FHIT: variants seen among roughly 807,000 people sequenced by gnomAD.
The protein encoded by FHIT is bis(5'-adenosyl)-triphosphatase.
A neutral mutation model predicts 17.9 loss-of-function variants in FHIT; 19 were observed. That is an observed-to-expected ratio of 1.06 (90% CI 0.74 to 1.56). The LOEUF (loss-of-function observed/expected upper bound fraction) is 1.56. Ranked by LOEUF, FHIT falls within the 40% of genes most tolerant of loss-of-function variation. The pLI, the probability that FHIT is intolerant of heterozygous loss-of-function variation, is 0.00. For synonymous variants in FHIT, 81 were observed against 69.7 expected, an observed-to-expected ratio of 1.16 and a Z score of -0.81; for missense variants, 248 against 189.2, an observed-to-expected ratio of 1.31 and a Z score of -1.82.
intron 5 of FHIT, among the ~76,000 whole-genome samples, chr3:60,074,653 G>C (rs1702926429): frequency 1.1e-5 from 1 of 88,630 alleles, no homozygotes; most frequent in African/African-American, 4.3e-5. Flanking sequence ...CCTGCTAACT[G>C]TTCCAAAGGG....
At chr3:60,779,671 A>T (rs570061449) in intron 4 of FHIT, among the ~76,000 whole-genome samples, 1 of 152,254 alleles carries the variant, frequency 6.6e-6, no homozygotes, top group South Asian at 2.1e-4. Flanking sequence ...AGGCCATGCA[A>T]TGCCCCATCC....
Position 60,077,686 on chromosome 3 carries a change from T to TCACACACC in FHIT, c.104-63535_104-63534insGGTGTGTG, listed in dbSNP as rs1433817563. 1.4e-4 allele frequency among the ~76,000 whole-genome samples: 15 copies of TCACACACC among 110,310 alleles called. 1 individual carries two copies. The highest frequency in any genetic ancestry group is 5.2e-4 in the African/African-American group (15 of 28,932). The allele number at this position is 110,310 out of a possible 152,430, so 72.4% of individuals were successfully genotyped here. On this transcript the variant is annotated intron_variant, in intron 5 of 9. Transcript: ENST00000492590. Reference sequence around the variant, plus strand: ...ATTAAAAAAAATCTACGATTTTACTTCACACACACACACACACACACACAC... The same window carrying TCACACACC: ...ATTAAAAAAAATCTACGATTTTACTTCACACACCCACACACACACACACACACACACAC...
At chr3:60,109,112 T>C (rs1045068383) in intron 5 of FHIT, among the ~76,000 whole-genome samples, 1 of 151,452 alleles carries the variant, frequency 6.6e-6, no homozygotes, top group African/African-American at 2.4e-5. Flanking sequence ...CTCTAGATGC[T>C]GTAAAAGAGG....
At chr3:60,910,752 ATCT>A (rs1706701349) in intron 3 of FHIT, among the ~76,000 whole-genome samples, 1 of 152,024 alleles carries the variant, frequency 6.6e-6, no homozygotes, top group Admixed American at 6.6e-5. Context: ...GTCATTTATA[ATCT>A]TCTTATAGAG....
intron 4 of FHIT, among the ~76,000 whole-genome samples, chr3:60,780,514 G>T (rs1481106328): frequency 1.3e-5 from 2 of 152,036 alleles, no homozygotes; most frequent in Non-Finnish European, 2.9e-5. Flanking sequence ...CCTTCATTTC[G>T]TTTTGATACA....
At chr3:60,015,971 T>C (rs943416596) in intron 5 of FHIT, among the ~76,000 whole-genome samples, 10 of 152,246 alleles carry the variant, frequency 6.6e-5, no homozygotes, top group Admixed American at 2.0e-4. Flanking sequence ...GCTTTTGTAA[T>C]TCTAATGCCA....
chr3:60,536,817 AAG>A (rs1276165834), intron 5 of FHIT, 41 bp downstream of exon 5: 1 of 1,562,616 alleles, frequency 6.4e-7, no homozygotes, highest in East Asian at 2.3e-5. Flanking sequence ...TTAGGCTCAG[AAG>A]ACTTTTATTT....
intron 8 of FHIT, among the ~76,000 whole-genome samples, chr3:59,827,462 A>G (rs1701016232): frequency 1.3e-5 from 2 of 152,248 alleles, no homozygotes; most frequent in South Asian, 4.1e-4. Flanking sequence ...CATGACATCA[A>G]TTGTCATTCT....
intron 8 of FHIT, among the ~76,000 whole-genome samples, chr3:59,788,148 T>G (rs1475722449): frequency 6.6e-6 from 1 of 152,188 alleles, no homozygotes; most frequent in Non-Finnish European, 1.5e-5. Context: ...TGTCATTCTA[T>G]TAACCACATT....
chr3:60,219,457 A>T (rs751374649), intron 5 of FHIT, among the ~76,000 whole-genome samples: 3 of 152,192 alleles, frequency 2.0e-5, no homozygotes, highest in Non-Finnish European at 2.9e-5. Context: ...GGTAGTTTGT[A>T]TTCTCAAAAT....
chr3:60,059,596 T>C (rs112244384), intron 5 of FHIT, among the ~76,000 whole-genome samples: 4,862 of 152,282 alleles, frequency 0.032, 246 homozygotes, highest in African/African-American at 0.11. Flanking sequence ...CTAAAACTTG[T>C]CTCAGTCTCT....
chr3:60,832,741 T>A (rs1553742922), intron 3 of FHIT, among the ~76,000 whole-genome samples: 1 of 151,798 alleles, frequency 6.6e-6, no homozygotes, highest in Non-Finnish European at 1.5e-5. Flanking sequence ...CTGTTTTCAA[T>A]CTGGAAGAAA....
intron 3 of FHIT, among the ~76,000 whole-genome samples, chr3:60,914,399 G>T (rs1451973890): frequency 6.6e-6 from 1 of 152,034 alleles, no homozygotes; most frequent in African/African-American, 2.4e-5. Context: ...AATTAATCGT[G>T]CACACAATAA....
intron 5 of FHIT, among the ~76,000 whole-genome samples, chr3:60,411,749 CAT>C (rs1214284168): frequency 6.6e-6 from 1 of 152,096 alleles, no homozygotes; most frequent in Non-Finnish European, 1.5e-5. Flanking sequence ...ACAAACCTCA[CAT>C]GTTGTATAAT....
chr3:60,032,431 G>A (rs1360782193), intron 5 of FHIT, among the ~76,000 whole-genome samples: 1 of 150,640 alleles, frequency 6.6e-6, no homozygotes, highest in Non-Finnish European at 1.5e-5. Context: ...CAGCCTAGGT[G>A]AAGGAGCAAG....
At chr3:60,625,489 ATTTG>A (rs1553680619) in intron 4 of FHIT, among the ~76,000 whole-genome samples, 6 of 152,080 alleles carry the variant, frequency 3.9e-5, no homozygotes. Flanking sequence ...TATGGTTTTG[ATTTG>A]TATTTTCTTG....
rs182286531 is a variant in FHIT at position 61,129,484 on chromosome 3, T to C, written c.-164+71133A>G. Among the ~76,000 whole-genome samples, 93 of 152,234 alleles carry C rather than the reference T, an allele frequency of 6.1e-4. No homozygotes were observed. In the Middle Eastern group the frequency reaches 0.01, roughly 17 times the overall value. On this transcript the variant is annotated intron_variant, in intron 2 of 9. Coordinates refer to ENST00000492590, the MANE Select transcript of FHIT (RefSeq NM_002012.4). ...GAACTCAGGAATGAATGAACCAGAC[T>C]CTCCTGATGAAATGGCTCCACTCTG...
Position 60,103,006 on chromosome 3 carries a change from A to G in FHIT, c.104-88854T>C, listed in dbSNP as rs377399211. Among the ~76,000 whole-genome samples, 4 of 152,304 alleles carry G rather than the reference A, an allele frequency of 2.6e-5. No homozygotes were observed. In the East Asian group the frequency reaches 5.8e-4, roughly 22 times the overall value. On this transcript the variant is annotated intron_variant, in intron 5 of 9. Coordinates refer to ENST00000492590, the MANE Select transcript of FHIT (RefSeq NM_002012.4). The stretch of plus-strand genomic sequence containing the variant: ...TTCTTTCTGAGCACATGTGACAATG[A>G]ATATTATTTACCCCTGTAGTATAGA...
chr3:60,875,926 T>TGTGC (rs1410951634), intron 3 of FHIT, among the ~76,000 whole-genome samples: 1 of 126,054 alleles, frequency 7.9e-6, no homozygotes, highest in African/African-American at 4.7e-5. Context: ...CTTATTCATG[T>TGTGC]GTGTGTGTGT....
Sources: gnomAD v4.1 joint callset for allele counts (sites outside exome capture counted in the v4.1 genomes callset) on GRCh38, gnomAD v4.1.1 for gene constraint, MANE v1.5 for transcripts, NCBI Gene and HGNC (gene_info 2026-07-23, HGNC 2026-07-21) for gene names.